The following BZW2 variants were observed in gnomAD, a reference collection of about 807,000 sequenced individuals.
BZW2 encodes the protein eIF5-mimic protein 1.
In BZW2, 23 loss-of-function variants were observed where a neutral mutation model predicts 53.2. That is an observed-to-expected ratio of 0.43 (90% CI 0.31 to 0.61). The LOEUF (loss-of-function observed/expected upper bound fraction) is 0.61. BZW2 is among the 20% of genes least tolerant of loss of function. The pLI is 0.09. For missense variants in BZW2, 409 were observed against 503.1 expected, an observed-to-expected ratio of 0.81 and a Z score of 1.79; for synonymous variants, 227 against 186.4, an observed-to-expected ratio of 1.22 and a Z score of -1.77.
chr7:16,688,161 A>G (rs531737631), intron 6 of BZW2, among the ~76,000 whole-genome samples: 7 of 152,308 alleles, frequency 4.6e-5, no homozygotes, highest in East Asian at 1.9e-4. Flanking sequence ...TCAAATTGGT[A>G]TATAAGGACA....
In BZW2 at chr7:16,651,179, T is replaced by C. The variant is rs17169566; in HGVS notation, c.-8+4891T>C. Among the ~76,000 whole-genome samples, 3,579 of 152,308 alleles carry C rather than the reference T, an allele frequency of 0.023. 263 individuals carry two copies. The East Asian group carries it at 0.28, about 12-fold the overall frequency. On this transcript the variant is annotated intron_variant, in intron 1 of 11. Transcript: ENST00000258761. ...AACAATAACTTAAGATGTAGAATTA[T>C]TTTTTGTGTCAGATGTAGCATTATA... is the stretch of plus-strand genomic sequence containing the variant.
At chr7:16,697,947 T>G (rs1783551416) in intron 9 of BZW2, 101 bp from the exon 10 acceptor site, 1 of 1,433,586 alleles carries the variant, frequency 7.0e-7, no homozygotes, top group Admixed American at 2.0e-5. Context: ...TGAAAGTCAG[T>G]CTTTTCTAAG....
At chr7:16,704,286 A>G (rs1010569095) in intron 10 of BZW2, among the ~76,000 whole-genome samples, 2 of 152,204 alleles carry the variant, frequency 1.3e-5, no homozygotes, top group African/African-American at 4.8e-5. Context: ...AGAGATTTCC[A>G]AGTCCTAGTA....
chr7:16,691,297 A>G (rs1783296950), intron 7 of BZW2, among the ~76,000 whole-genome samples: 1 of 152,214 alleles, frequency 6.6e-6, no homozygotes, highest in African/African-American at 2.4e-5. Context: ...CCTACTTTCT[A>G]GTGGACTTAG....
chr7:16,698,334 C>T, intron 10 of BZW2, 148 bp downstream of exon 10: 2 of 1,097,564 alleles, frequency 1.8e-6, no homozygotes, highest in Non-Finnish European at 1.3e-6. Context: ...TTGAGGCAAC[C>T]ATACCATGTA....
chr7:16,689,749 T>C (rs780911184), intron 6 of BZW2, 48 bp from the exon 7 acceptor site: 12 of 1,498,346 alleles, frequency 8.0e-6, no homozygotes, highest in Non-Finnish European at 1.0e-5. Context: ...ACCATCACAA[T>C]TGGTTTTGCT....
At chr7:16,659,698 G>C (rs1046696121) in intron 1 of BZW2, among the ~76,000 whole-genome samples, 7 of 151,976 alleles carry the variant, frequency 4.6e-5, no homozygotes, top group African/African-American at 1.7e-4. Context: ...GGTAATTCTT[G>C]AAACTTGTTA....
rs749796554 is a variant in BZW2 at position 16,704,560 on chromosome 7, C to T, written c.1122C>T (p.Ser374=). The change falls in exon 11 of 12, where the codon AGC becomes AGT. Residue 374 remains serine, a synonymous_variant. Transcript: ENST00000258761. ...TTAAAATTGCAGCTGATGTTCTGAGCGAAGAAGCAATACTGAAATGGTATA... is the reference window on the plus strand; with the variant it reads ...TTAAAATTGCAGCTGATGTTCTGAGTGAAGAAGCAATACTGAAATGGTATA... The part of the protein sequence containing the change: ...VVLFYKADVL[S]EEAILKWYKE... 77 of 1,553,542 alleles carry T rather than the reference C, an allele frequency of 5.0e-5. No individual in the cohort carries two copies. The highest frequency in any genetic ancestry group is 1.7e-4 in the South Asian group (14 of 84,426).
chr7:16,698,016 G>T (rs780793161), intron 9 of BZW2, 32 bp from the exon 10 acceptor site: 3 of 1,613,030 alleles, frequency 1.9e-6, no homozygotes, highest in Non-Finnish European at 2.5e-6. Flanking sequence ...TCCCACGCAA[G>T]TGACGGCTTT....
chr7:16,681,318 A>G lies in BZW2; in HGVS notation c.253A>G (p.Ile85Val), dbSNP rs372301881. 82 of 1,613,898 alleles carry G rather than the reference A, an allele frequency of 5.1e-5. No homozygotes were observed. Among genetic ancestry groups the G allele is most frequent in the Non-Finnish European group, 2.5e-5 (29 of 1,179,934 alleles). ...CTTTTTAGCCCCTGGAGGAACGCGC[A>G]TAGATGATGGTGACAAGACCAAGAT... is the stretch of plus-strand genomic sequence containing the variant. The part of the protein sequence containing the change: ...GSMLAPGGTR[I>V]DDGDKTKMTN... The change falls in exon 4 of 12, where the codon ATA becomes GTA. Residue 85 changes from isoleucine (I) to valine (V), a missense_variant. Ile to Val is a conservative substitution (Grantham distance 29). Around this residue, in one of 3 missense-constraint regions of BZW2, gnomAD observed 316 missense variants for 366.8 expected, o/e 0.86. Transcript: ENST00000258761.
At chr7:16,657,327 A>G (rs1332977239) in intron 1 of BZW2, among the ~76,000 whole-genome samples, 1 of 152,228 alleles carries the variant, frequency 6.6e-6, no homozygotes, top group African/African-American at 2.4e-5. Context: ...CATCATGTAT[A>G]TAGAATATTG....
In BZW2 at chr7:16,696,816, C is replaced by G. The variant is rs193137169; in HGVS notation, c.823-99C>G. ...AAAGGAGAAGCTAAGCAGATTGTTT[C>G]TTAGCTGCCCCAAAACCTTGATTGA... On this transcript the variant is annotated intron_variant, in intron 8 of 11. Transcript: ENST00000258761. The G allele has an allele frequency of 3.1e-4, 397 of 1,260,922 alleles. 3 individuals carry two copies. Among genetic ancestry groups the G allele is most frequent in the African/African-American group, 2.9e-3 (198 of 67,168 alleles). The allele number at this position is 1,260,922 out of a possible 1,614,324, so 78.1% of individuals were successfully genotyped here.
At chr7:16,660,391 C>T (rs1480472095) in intron 1 of BZW2, among the ~76,000 whole-genome samples, 3 of 141,208 alleles carry the variant, frequency 2.1e-5, no homozygotes, top group African/African-American at 8.0e-5. Flanking sequence ...CAGAGCGAGA[C>T]TCCATATTTA....
In BZW2 at chr7:16,681,324, G is replaced by A; in HGVS notation, c.259G>A (p.Asp87Asn). The A allele has an allele frequency of 6.2e-7, 1 of 1,613,998 alleles. No homozygotes were observed. Among genetic ancestry groups the A allele is most frequent in the Non-Finnish European group, 8.5e-7 (1 of 1,179,940 alleles). ...AGCCCCTGGAGGAACGCGCATAGATGATGGTGACAAGACCAAGATGACCAA... is the reference window on the plus strand; with the variant it reads ...AGCCCCTGGAGGAACGCGCATAGATAATGGTGACAAGACCAAGATGACCAA... ...MLAPGGTRID[D>N]GDKTKMTNHC... The change falls in exon 4 of 12, where the codon GAT becomes AAT. Residue 87 changes from aspartate to asparagine, a missense_variant. Asp to Asn is a conservative substitution (Grantham distance 23, BLOSUM62 1). Transcript: ENST00000258761.
At chr7:16,688,215 C>G (rs1783190256) in intron 6 of BZW2, among the ~76,000 whole-genome samples, 1 of 152,156 alleles carries the variant, frequency 6.6e-6, no homozygotes, top group Admixed American at 6.6e-5. Context: ...GGACAGACCT[C>G]AGGCTGAACA....
Position 16,665,507 on chromosome 7 carries a change from T to G in BZW2, c.58+6T>G. On this transcript the variant is annotated splice_donor_region_variant and intron_variant, in intron 2 of 11. Coordinates refer to ENST00000258761, the MANE Select transcript of BZW2 (RefSeq NM_014038.3). Reference sequence around the variant, plus strand: ...GTTCAAAACTCGGAAAAGGGGTAGGTTGTGTGTGTGTGTGTGTGTGTGTTT... The same window carrying G: ...GTTCAAAACTCGGAAAAGGGGTAGGGTGTGTGTGTGTGTGTGTGTGTGTTT... The G allele has an allele frequency of 6.5e-7, 1 of 1,548,052 alleles. No homozygotes were observed. The highest frequency in any genetic ancestry group is 8.8e-7 in the Non-Finnish European group (1 of 1,129,986).
intron 10 of BZW2, 105 bp downstream of exon 10, chr7:16,698,291 G>A: frequency 4.9e-6 from 7 of 1,422,458 alleles, no homozygotes; most frequent in Non-Finnish European, 6.8e-6. Context: ...TGTTTAGAGA[G>A]GGACAGCAAG....
At chr7:16,664,566 C>T (rs1841217) in intron 1 of BZW2, among the ~76,000 whole-genome samples, 1 of 152,106 alleles carries the variant, frequency 6.6e-6, no homozygotes, top group Non-Finnish European at 1.5e-5. Flanking sequence ...AGCGATGAGA[C>T]GAGATGTGTA....
Position 16,665,240 on chromosome 7 carries a change from A to T in BZW2, c.-7-197A>T, listed in dbSNP as rs1782386576. On this transcript the variant is annotated intron_variant, in intron 1 of 11. Coordinates refer to ENST00000258761, the MANE Select transcript of BZW2 (RefSeq NM_014038.3). ...ATAATCACTTGAACCCGGGATGCAG[A>T]GGTTGCAGTGAGCTGAGATCACACC... Among the ~76,000 whole-genome samples the T allele has an allele frequency of 2.6e-5, 4 of 151,976 alleles. No individual in the cohort carries two copies. The South Asian group carries it at 8.3e-4, about 32-fold the overall frequency.
Sources: gnomAD v4.1 joint callset for allele counts (sites outside exome capture counted in the v4.1 genomes callset) on GRCh38, gnomAD v4.1.1 for gene constraint, gnomAD v4.1.1 regional missense constraint, MANE v1.5 for transcripts, NCBI Gene and HGNC (gene_info 2026-07-23, HGNC 2026-07-21) for gene names.